The following QRICH1 variants were observed in gnomAD, a reference collection of about 807,000 sequenced individuals.
QRICH1 encodes the protein transcriptional regulator QRICH1.
A neutral mutation model predicts 87.1 loss-of-function variants in QRICH1; 16 were observed. The observed-to-expected ratio is 0.18, with a 90% CI of 0.12 to 0.28. QRICH1 has a LOEUF of 0.28. Among genes scored for constraint, QRICH1 ranks in the 10% least tolerant of loss-of-function variants. The pLI is 1.00. For synonymous variants in QRICH1, 367 were observed against 368.4 expected, an observed-to-expected ratio of 1.00 and a Z score of 0.05; for missense variants, 647 against 951.7, an observed-to-expected ratio of 0.68 and a Z score of 4.21.
intron 6 of QRICH1, among the ~76,000 whole-genome samples, chr3:49,034,370 A>G (rs926737289): frequency 4.6e-5 from 7 of 150,714 alleles, no homozygotes; most frequent in Non-Finnish European, 8.9e-5. Context: ...TGGGCCTGGG[A>G]GGTCAAGGCT....
intron 1 of QRICH1, among the ~76,000 whole-genome samples, chr3:49,082,452 C>G (rs1185356806): frequency 1.3e-5 from 2 of 152,028 alleles, no homozygotes; most frequent in Non-Finnish European, 2.9e-5. Flanking sequence ...TAAAAAGTTA[C>G]TATAAGAAAC....
chr3:49,082,894 CAAAA>C (rs76269302), intron 1 of QRICH1, among the ~76,000 whole-genome samples: 3 of 77,316 alleles, frequency 3.9e-5, no homozygotes, highest in African/African-American at 4.9e-5. Flanking sequence ...GACTGCGTCT[CAAAA>C]AAAAAAAAAA....
intron 6 of QRICH1, among the ~76,000 whole-genome samples, chr3:49,039,073 CG>C (rs1440829017): frequency 6.6e-6 from 1 of 151,288 alleles, no homozygotes; most frequent in African/African-American, 2.4e-5. Flanking sequence ...AAGACATAAC[CG>C]GGCCAGGCGC....
At chr3:49,062,622 A>G (rs1355949979) in intron 2 of QRICH1, among the ~76,000 whole-genome samples, 3 of 151,156 alleles carry the variant, frequency 2.0e-5, no homozygotes, top group African/African-American at 4.8e-5. Flanking sequence ...TGGCCTCCCA[A>G]AGTGCTGGGA....
chr3:49,056,924 T>C lies in QRICH1; in HGVS notation c.1276A>G (p.Thr426Ala), dbSNP rs368098573. 6 of 1,613,880 alleles carry C rather than the reference T, an allele frequency of 3.7e-6. No homozygotes were observed. Among genetic ancestry groups the C allele is most frequent in the African/African-American group, 2.7e-5 (2 of 74,862 alleles). ...GGTGGTGGTGTCTGTTCCTGGGGAGTTTGCTGCTGCGGCTGCTGTTGGGGG... is the reference window on the plus strand; with the variant it reads ...GGTGGTGGTGTCTGTTCCTGGGGAGCTTGCTGCTGCGGCTGCTGTTGGGGG... ...WDPQQQPQQQ[T>A]PQEQTPPPQQ... Residue 426 changes from threonine (T) to alanine (A), a missense_variant, in exon 3 of 10, where the codon ACT becomes GCT. Transcript: ENST00000395443.
Position 49,066,898 on chromosome 3 carries a change from C to T in QRICH1, c.310-9008G>A, listed in dbSNP as rs751548590. ...AATAAAAATACAAAAATTACCCAGA[C>T]GTGGTGGTGTGCACCTGTAATCCCA... On this transcript the variant is annotated intron_variant, in intron 2 of 9. Coordinates refer to ENST00000395443, the MANE Select transcript of QRICH1 (RefSeq NM_198880.3). 5.3e-5 allele frequency among the ~76,000 whole-genome samples: 8 copies of T among 151,680 alleles called. No homozygotes were observed. In the Middle Eastern group the frequency reaches 0.01, roughly 193 times the overall value.
intron 4 of QRICH1, 34 bp from the exon 5 acceptor site, chr3:49,046,613 C>T: frequency 1.2e-6 from 2 of 1,606,138 alleles, no homozygotes; most frequent in South Asian, 1.1e-5. Flanking sequence ...AATGAAGGTC[C>T]TGGGGGTCCA....
At chr3:49,046,274 A>AC (rs1295954964) in intron 5 of QRICH1, 151 bp downstream of exon 5, 6 of 900,002 alleles carry the variant, frequency 6.7e-6, no homozygotes, top group Admixed American at 3.5e-5. Flanking sequence ...AAAAAAAAAA[A>AC]AAAACAACAA....
intron 2 of QRICH1, among the ~76,000 whole-genome samples, chr3:49,068,797 T>C (rs1230761435): frequency 1.3e-5 from 2 of 151,344 alleles, no homozygotes; most frequent in African/African-American, 4.8e-5. Flanking sequence ...CCTGGCCAAT[T>C]TTTTGTATTT....
At chr3:49,050,118 C>A (rs1352057333) in intron 3 of QRICH1, among the ~76,000 whole-genome samples, 2 of 151,610 alleles carry the variant, frequency 1.3e-5, no homozygotes, top group Non-Finnish European at 2.9e-5. Flanking sequence ...GGGCGGATCA[C>A]AAGGTCAGGA....
At chr3:49,051,925 G>A (rs2093373505) in intron 3 of QRICH1, among the ~76,000 whole-genome samples, 1 of 152,178 alleles carries the variant, frequency 6.6e-6, no homozygotes, top group South Asian at 2.1e-4. Context: ...TCTATCAGTG[G>A]GTGGAGGAGG....
intron 1 of QRICH1, among the ~76,000 whole-genome samples, chr3:49,080,217 A>T (rs535020077): frequency 1.3e-5 from 2 of 152,308 alleles, no homozygotes; most frequent in South Asian, 4.1e-4. Flanking sequence ...ATTATAAAAG[A>T]GCAGCAGAGG....
intron 1 of QRICH1, among the ~76,000 whole-genome samples, chr3:49,088,175 G>A (rs907869267): frequency 1.3e-5 from 2 of 151,972 alleles, no homozygotes; most frequent in African/African-American, 2.4e-5. Flanking sequence ...GGATGCTCTC[G>A]ATCTCCTGAC....
At chr3:49,050,176 G>T (rs1268491812) in intron 3 of QRICH1, among the ~76,000 whole-genome samples, 1 of 149,784 alleles carries the variant, frequency 6.7e-6, no homozygotes, top group Admixed American at 6.7e-5. Flanking sequence ...GTGAACCTGG[G>T]AGGCGGAGCT....
chr3:49,078,193 C>T (rs771006593), intron 1 of QRICH1, among the ~76,000 whole-genome samples: 1 of 152,126 alleles, frequency 6.6e-6, no homozygotes, highest in Non-Finnish European at 1.5e-5. Flanking sequence ...ATACACTAGA[C>T]TGACCAGATG....
intron 6 of QRICH1, among the ~76,000 whole-genome samples, chr3:49,042,963 A>C (rs1230707319): frequency 6.6e-6 from 1 of 152,226 alleles, no homozygotes; most frequent in Non-Finnish European, 1.5e-5. Flanking sequence ...CTCAGAATGT[A>C]CAACAGATAC....
At chr3:49,047,351 A>C in intron 3 of QRICH1, 105 bp from the exon 4 acceptor site, 1 of 1,102,512 alleles carries the variant, frequency 9.1e-7, no homozygotes, top group East Asian at 2.5e-5. Context: ...TTAAGAAAAT[A>C]TTTCTCTACT....
chr3:49,041,953 T>C (rs1400177999), intron 6 of QRICH1, among the ~76,000 whole-genome samples: 1 of 151,910 alleles, frequency 6.6e-6, no homozygotes, highest in Admixed American at 6.6e-5. Flanking sequence ...TTTGTATTTT[T>C]AGTAGAGACA....
In QRICH1 at chr3:49,032,224, C is replaced by T; in HGVS notation, c.2097G>A (p.Leu699=). The T allele has an allele frequency of 2.5e-6, 4 of 1,614,052 alleles. No homozygotes were observed. The highest frequency in any genetic ancestry group is 3.4e-6 in the Non-Finnish European group (4 of 1,179,886). ...AATCATAGAGCTTGATGGGACATCT[C>T]AATGGATTCTCTGGATTTTCCGTCT... is the stretch of plus-strand genomic sequence containing the variant. ...AEQTENPENP[L]RCPIKLYDFY... Residue 699 remains leucine (L), a synonymous_variant, in exon 9 of 10, where the codon TTG becomes TTA. Coordinates refer to ENST00000395443, the MANE Select transcript of QRICH1 (RefSeq NM_198880.3).
Sources: allele counts gnomAD v4.1 joint callset (sites outside exome capture counted in the v4.1 genomes callset), GRCh38; gene constraint gnomAD v4.1.1; transcripts MANE v1.5; gene names NCBI Gene and HGNC (gene_info 2026-07-23, HGNC 2026-07-21).